Variants in FMC1 observed in about 807,000 individuals in gnomAD.
The protein encoded by FMC1 is protein FMC1 homolog.
A neutral mutation model predicts 10.5 loss-of-function variants in FMC1; 6 were observed. The ratio of observed to expected loss-of-function variants is 0.57; its 90% CI spans 0.31 to 1.12. The LOEUF (loss-of-function observed/expected upper bound fraction) is 1.12, where lower values mean the gene tolerates loss of function less well. Among genes scored for constraint, FMC1 ranks in the 50% most tolerant of loss-of-function variants. The pLI is 0.05. For synonymous variants in FMC1, 59 were observed against 62.1 expected, an observed-to-expected ratio of 0.95 and a Z score of 0.24; for missense variants, 146 against 151.7, an observed-to-expected ratio of 0.96 and a Z score of 0.20.
chr7:139,343,111 C>A (rs148624470), intron 1 of FMC1, among the ~76,000 whole-genome samples: 1 of 152,104 alleles, frequency 6.6e-6, no homozygotes, highest in Non-Finnish European at 1.5e-5. Context: ...CCCTTTTGTC[C>A]TCATGATTCA....
At chr7:139,344,557 G>A (rs1799166014) in intron 1 of FMC1, among the ~76,000 whole-genome samples, 1 of 151,958 alleles carries the variant, frequency 6.6e-6, no homozygotes. Flanking sequence ...ATCCAAAGAT[G>A]CAGAACCCAT....
In FMC1 at chr7:139,341,538, C is replaced by T; in HGVS notation, c.138+16C>T. On this transcript the variant is annotated intron_variant, in intron 1 of 1. Coordinates refer to ENST00000297534, the MANE Select transcript of FMC1 (RefSeq NM_197964.5). The stretch of plus-strand genomic sequence containing the variant: ...TGCACATCGGGTACGGGAGCCATGT[C>T]CCGGGTGCTCTACGTGCTGGGGAGG... The T allele has an allele frequency of 6.2e-7, 1 of 1,607,354 alleles. No homozygotes were observed. The highest frequency in any genetic ancestry group is 8.5e-7 in the Non-Finnish European group (1 of 1,175,188).
At chr7:139,341,297 G>C, upstream of FMC1, 1 of 1,523,450 alleles carries the variant, frequency 6.6e-7, no homozygotes, top group South Asian at 1.2e-5. Flanking sequence ...TAGTCTGTCC[G>C]ACCGTACCAT....
chr7:139,341,184 T>C, upstream of FMC1: 1 of 863,190 alleles, frequency 1.2e-6, no homozygotes, highest in Non-Finnish European at 1.6e-6. Context: ...ACAGTCGGGT[T>C]TCGTTTGATT....
At chr7:139,342,951 C>T (rs1799068567) in intron 1 of FMC1, among the ~76,000 whole-genome samples, 1 of 152,192 alleles carries the variant, frequency 6.6e-6, no homozygotes, top group Non-Finnish European at 1.5e-5. Context: ...AACTGAATAA[C>T]CATCCCATTT....
chr7:139,344,301 C>G (rs1200328330), intron 1 of FMC1, among the ~76,000 whole-genome samples: 2 of 152,142 alleles, frequency 1.3e-5, no homozygotes, highest in African/African-American at 4.8e-5. Context: ...CACCCCCACT[C>G]AGGAATACCA....
At chr7:139,344,604 A>G (rs778477536) in intron 1 of FMC1, among the ~76,000 whole-genome samples, 1 of 152,114 alleles carries the variant, frequency 6.6e-6, no homozygotes, top group African/African-American at 2.4e-5. Flanking sequence ...TAATATGAAC[A>G]TAAGCATACT....
At chr7:139,344,923 C>G (rs1427690301) in intron 1 of FMC1, 1 of 150,748 alleles carries the variant, frequency 6.6e-6, no homozygotes, top group African/African-American at 2.4e-5. Context: ...CCGTGTTAGC[C>G]AGGATGGTCT....
In FMC1 at chr7:139,345,980, G is replaced by T; in HGVS notation, c.*276G>T. On this transcript the variant is annotated 3_prime_UTR_variant, in exon 2 of 2. Coordinates refer to ENST00000297534, the MANE Select transcript of FMC1 (RefSeq NM_197964.5). ...TAGCCAGGCACGGTGGCTCACGCCT[G>T]TAATCCCAGCACTTTGGGAGGCCAA... 4.6e-6 allele frequency: 1 copy of T among 217,346 alleles called. No individual in the cohort carries two copies. 13.5% of individuals were successfully genotyped at this position (217,346 alleles called of 1,614,324 possible).
intron 1 of FMC1, among the ~76,000 whole-genome samples, chr7:139,343,415 A>G (rs1007209125): frequency 5.3e-5 from 8 of 152,200 alleles, no homozygotes; most frequent in African/African-American, 1.9e-4. Context: ...TTCCTCTCCA[A>G]AAAATTTGAA....
At chr7:139,340,922 T>G (rs752142436), upstream of FMC1, among the ~76,000 whole-genome samples, 2 of 152,110 alleles carry the variant, frequency 1.3e-5, no homozygotes, top group Non-Finnish European at 2.9e-5. Context: ...ATGTCCTTTG[T>G]CTGAGCCGCA....
At chr7:139,340,751 G>A, upstream of FMC1, 3 of 377,044 alleles carry the variant, frequency 8.0e-6, no homozygotes, top group Non-Finnish European at 1.4e-5. Flanking sequence ...AGGGATTGTG[G>A]GTTCGAGTCC....
At chr7:139,342,994 A>G (rs1585054775) in intron 1 of FMC1, among the ~76,000 whole-genome samples, 1 of 152,176 alleles carries the variant, frequency 6.6e-6, no homozygotes, top group Admixed American at 6.5e-5. Flanking sequence ...AAGGGATTCT[A>G]TTAGGGAGAA....
intron 1 of FMC1, among the ~76,000 whole-genome samples, chr7:139,341,785 A>G (rs1798992721): frequency 6.6e-6 from 1 of 152,054 alleles, no homozygotes; most frequent in Non-Finnish European, 1.5e-5. Flanking sequence ...GTCCCGAAGG[A>G]TTTCATTGGC....
At chr7:139,343,329 G>A (rs2131139067) in intron 1 of FMC1, among the ~76,000 whole-genome samples, 1 of 152,324 alleles carries the variant, frequency 6.6e-6, no homozygotes, top group Non-Finnish European at 1.5e-5. Flanking sequence ...AGCAGCTAAT[G>A]AATGTTGCTT....
upstream of FMC1, chr7:139,340,702 C>T: frequency 2.6e-6 from 1 of 391,958 alleles, no homozygotes; most frequent in Non-Finnish European, 4.5e-6. Context: ...TTGCAGAAGC[C>T]CCAGTGGCCT....
chr7:139,343,961 C>A (rs1387525807), intron 1 of FMC1, among the ~76,000 whole-genome samples: 1 of 143,362 alleles, frequency 7.0e-6, no homozygotes, highest in Non-Finnish European at 1.5e-5. Context: ...TGGTGGGGGG[C>A]GTATTATGTA....
In FMC1 at chr7:139,341,357, G is replaced by T; in HGVS notation, c.-28G>T. 1 of 1,595,002 alleles carries T rather than the reference G, an allele frequency of 6.3e-7. No individual in the cohort carries two copies. On this transcript the variant is annotated 5_prime_UTR_variant, in exon 1 of 2. Transcript: ENST00000297534. ...TTTTCAGGGTCGTAGGACGCCGTTG[G>T]GCACCACGCTCGGAGAAGGACAGGA...
At chr7:139,345,355 T>G in intron 1 of FMC1, 146 bp from the exon 2 acceptor site, 1 of 1,263,068 alleles carries the variant, frequency 7.9e-7, no homozygotes, top group Non-Finnish European at 1.1e-6. Flanking sequence ...TCTATAGATG[T>G]ATTAAGTATA....
Sources: allele counts gnomAD v4.1 joint callset (sites outside exome capture counted in the v4.1 genomes callset), GRCh38; gene constraint gnomAD v4.1.1; transcripts MANE v1.5; gene names NCBI Gene and HGNC (gene_info 2026-07-23, HGNC 2026-07-21).